FRRS1L: variants seen among roughly 807,000 people sequenced by gnomAD.
The protein encoded by FRRS1L is ferric chelate reductase 1 like.
In FRRS1L, 22 loss-of-function variants were observed where a neutral mutation model predicts 28.6. That is an observed-to-expected ratio of 0.77 (90% CI 0.55 to 1.10). The LOEUF is 1.10. Among genes scored for constraint, FRRS1L ranks in the 50% least tolerant of loss-of-function variants. The pLI is 0.00. For synonymous variants in FRRS1L, 158 were observed against 151.4 expected (o/e 1.04, Z -0.32); for missense variants, 380 against 386.9 (o/e 0.98, Z 0.15).
Position 109,147,081 on chromosome 9 carries a change from T to A in FRRS1L, c.432A>T (p.Val144=), listed in dbSNP as rs368393399. The part of the protein sequence containing the change: ...FELSADTDGW[V]AVGFSSDKKM... ...TCTTGTCTGAAGAGAATCCAACTGC[T>A]ACCCAACCATCTGTGTCTGCACTCA... The change falls in exon 3 of 5, where the codon GTA becomes GTT. Residue 144 remains valine (V), a synonymous_variant. Transcript: ENST00000561981. The A allele has an allele frequency of 2.5e-6, 4 of 1,613,882 alleles. No individual in the cohort carries two copies. In the African/African-American group the frequency reaches 5.3e-5, roughly 22 times the overall value.
chr9:109,147,126 C>T lies in FRRS1L; in HGVS notation c.387G>A (p.Gly129=), dbSNP rs773843617. ...CACTCAGCTCAAATTCTACATCAGC[C>T]CCTATCATCCGGTAGCTGAGGAAAT... ...CDYFLSYRMI[G]ADVEFELSAD... The change falls in exon 3 of 5, where the codon GGG becomes GGA. Residue 129 remains glycine (G), a synonymous_variant. Transcript: ENST00000561981. The T allele has an allele frequency of 2.4e-5, 38 of 1,612,798 alleles. No homozygotes were observed. Among genetic ancestry groups the T allele is most frequent in the Non-Finnish European group, 3.1e-5 (36 of 1,178,926 alleles).
chr9:109,167,187 G>A lies in FRRS1L; in HGVS notation c.-49C>T, dbSNP rs1831567207. ...AGGCCGCTCGGGCCGCAGCGGGGGC[G>A]CCGCGGGCGCGGGCCGGGACTGAGC... On this transcript the variant is annotated 5_prime_UTR_variant, in exon 1 of 5. Coordinates refer to ENST00000561981, the MANE Select transcript of FRRS1L (RefSeq NM_014334.4). 4 of 1,162,932 alleles carry A rather than the reference G, an allele frequency of 3.4e-6. No homozygotes were observed. 72.0% of individuals were successfully genotyped at this position (1,162,932 alleles called of 1,614,324 possible). A position where few individuals can be genotyped will look rare whatever the true frequency, so the allele number is the denominator to read the frequency against.
At chr9:109,157,743 A>T (rs1327538879) in intron 1 of FRRS1L, among the ~76,000 whole-genome samples, 1 of 152,208 alleles carries the variant, frequency 6.6e-6, no homozygotes, top group East Asian at 1.9e-4. Flanking sequence ...TCCATCAGTT[A>T]CTGCTTTTAT....
At position 109,132,457 on chromosome 9, in the gene FRRS1L, T is replaced by C. The variant is rs1158962478; in HGVS notation, c.*4998A>G. 2.0e-5 allele frequency: 3 copies of C among 152,218 alleles called. No individual in the cohort carries two copies. Among genetic ancestry groups the C allele is most frequent in the Non-Finnish European group, 4.4e-5 (3 of 68,036 alleles). The allele number at this position is 152,218 out of a possible 1,614,324, so 9.4% of individuals were successfully genotyped here. A position where few individuals can be genotyped will look rare whatever the true frequency, so the allele number is the denominator to read the frequency against. ...TTTTGCATCAATTCCAGAAAATATATTAGAATGCAAGAGCATGAGATGCCC... is the reference window on the plus strand; with the variant it reads ...TTTTGCATCAATTCCAGAAAATATACTAGAATGCAAGAGCATGAGATGCCC... On this transcript the variant is annotated 3_prime_UTR_variant, in exon 5 of 5. Coordinates refer to ENST00000561981, the MANE Select transcript of FRRS1L (RefSeq NM_014334.4).
intron 1 of FRRS1L, among the ~76,000 whole-genome samples, chr9:109,156,467 C>A (rs1831406800): frequency 6.6e-6 from 1 of 152,124 alleles, no homozygotes; most frequent in East Asian, 1.9e-4. Flanking sequence ...CGCCTCACTG[C>A]AACCTCCACC....
At position 109,147,151 on chromosome 9, in the gene FRRS1L, T is replaced by C. The variant is rs766940179; in HGVS notation, c.362A>G (p.Tyr121Cys). The C allele has an allele frequency of 9.3e-6, 15 of 1,613,336 alleles. No homozygotes were observed. Among genetic ancestry groups the C allele is most frequent in the Non-Finnish European group, 1.3e-5 (15 of 1,179,406 alleles). ...KPGCNAETCD[Y>C]FLSYRMIGAD... ...CCCTATCATCCGGTAGCTGAGGAAA[T>C]AGTCACAGGTCTCTGCATTACAGCC... The change falls in exon 3 of 5, where the codon TAT (tyrosine) becomes TGT (cysteine). Residue 121 changes from tyrosine (Y) to cysteine (C), a missense_variant. Tyr to Cys is a radical substitution (Grantham distance 194). Transcript: ENST00000561981.
At chr9:109,148,130 G>A (rs1330552921) in intron 2 of FRRS1L, 2 of 151,910 alleles carry the variant, frequency 1.3e-5, no homozygotes, top group Non-Finnish European at 2.9e-5. Flanking sequence ...CACCACACCT[G>A]GCTAATTTTT....
At chr9:109,159,860 C>A (rs908904078) in intron 1 of FRRS1L, among the ~76,000 whole-genome samples, 1 of 152,132 alleles carries the variant, frequency 6.6e-6, no homozygotes, top group Admixed American at 6.5e-5. Context: ...TCCAGCCTGC[C>A]GACCCAACCT....
chr9:109,148,122 C>A (rs1205152511), intron 2 of FRRS1L: 1 of 152,098 alleles, frequency 6.6e-6, no homozygotes, highest in Non-Finnish European at 1.5e-5. Flanking sequence ...GCATGGGTCA[C>A]CACACCTGGC....
In FRRS1L at chr9:109,130,767, C is replaced by G. The variant is rs1219816863; in HGVS notation, c.*6688G>C. On this transcript the variant is annotated 3_prime_UTR_variant, in exon 5 of 5. Transcript: ENST00000561981. ...TGTGGAAATAAGGCATCCGGAGAAG[C>G]TGCATTCACTCTTCCCCATGGCCAG... 1.3e-5 allele frequency: 2 copies of G among 152,232 alleles called. No individual in the cohort carries two copies. The highest frequency in any genetic ancestry group is 6.5e-5 in the Admixed American group (1 of 15,284). 9.4% of individuals were successfully genotyped at this position (152,232 alleles called of 1,614,324 possible). A position where few individuals can be genotyped will look rare whatever the true frequency, so the allele number is the denominator to read the frequency against.
chr9:109,157,881 GGT>G (rs1831431330), intron 1 of FRRS1L, among the ~76,000 whole-genome samples: 1 of 151,942 alleles, frequency 6.6e-6, no homozygotes. Context: ...GTTTTCTTAT[GGT>G]TCATCTTTGC....
At chr9:109,140,715 T>TC in intron 4 of FRRS1L, 1 of 151,560 alleles carries the variant, frequency 6.6e-6, no homozygotes, top group East Asian at 1.9e-4. Flanking sequence ...TCTTTCTTCT[T>TC]CTTTTTTTTT....
intron 1 of FRRS1L, 42 bp downstream of exon 1, chr9:109,166,859 C>T (rs1831558891): frequency 7.4e-6 from 6 of 813,584 alleles, no homozygotes; most frequent in Non-Finnish European, 9.8e-6. Context: ...CCCCCACCCC[C>T]GGTCTCCCCT....
chr9:109,161,133 C>T (rs1831475674), intron 1 of FRRS1L, among the ~76,000 whole-genome samples: 1 of 152,092 alleles, frequency 6.6e-6, no homozygotes, highest in South Asian at 2.1e-4. Flanking sequence ...CACTACTCCC[C>T]AGCATTCCAT....
In FRRS1L at chr9:109,162,602, C is replaced by T. The variant is rs141110521; in HGVS notation, c.238+4299G>A. On this transcript the variant is annotated intron_variant, in intron 1 of 4. Transcript: ENST00000561981. The stretch of plus-strand genomic sequence containing the variant: ...TTCATATGGACAAGGTACCCTAAAG[C>T]GGGGCCTGCTGCGTAGTAAGCACAT... Among the ~76,000 whole-genome samples, 1,152 of 152,290 alleles carry T rather than the reference C, an allele frequency of 7.6e-3. 11 individuals carry two copies. Among genetic ancestry groups the T allele is most frequent in the African/African-American group, 0.027 (1,110 of 41,564 alleles).
chr9:109,167,202 C>G lies in FRRS1L; in HGVS notation c.-64G>C, dbSNP rs1588106755. On this transcript the variant is annotated 5_prime_UTR_variant, in exon 1 of 5. Transcript: ENST00000561981. ...CAGCGGGGGCGCCGCGGGCGCGGGC[C>G]GGGACTGAGCCTCCGCCGAGGCCAC... 1 of 1,256,744 alleles carries G rather than the reference C, an allele frequency of 8.0e-7. No individual in the cohort carries two copies. The highest frequency in any genetic ancestry group is 1.0e-6 in the Non-Finnish European group (1 of 998,572). 77.8% of individuals were successfully genotyped at this position (1,256,744 alleles called of 1,614,324 possible).
chr9:109,161,337 T>A (rs1347841261), intron 1 of FRRS1L, among the ~76,000 whole-genome samples: 1 of 152,208 alleles, frequency 6.6e-6, no homozygotes, highest in African/African-American at 2.4e-5. Context: ...AGAACCTGAA[T>A]GAGACTACAT....
rs376999001 is a variant in FRRS1L, at chr9:109,149,754, C to A, written c.239-34G>T. 114 of 1,352,084 alleles carry A rather than the reference C, an allele frequency of 8.4e-5. No individual in the cohort carries two copies. The African/African-American group carries it at 1.5e-3, about 18-fold the overall frequency. 83.8% of individuals were successfully genotyped at this position (1,352,084 alleles called of 1,614,324 possible). A position where few individuals can be genotyped will look rare whatever the true frequency, so the allele number is the denominator to read the frequency against. On this transcript the variant is annotated intron_variant, in intron 1 of 4. Coordinates refer to ENST00000561981, the MANE Select transcript of FRRS1L (RefSeq NM_014334.4). ...TGAGAATAAAGAAGGGTTAGAAAATCCAGTAACAACTGTTCCAATGAGAAT... is the reference window on the plus strand; with the variant it reads ...TGAGAATAAAGAAGGGTTAGAAAATACAGTAACAACTGTTCCAATGAGAAT...
chr9:109,150,052 T>C (rs965895542), intron 1 of FRRS1L: 2 of 192,286 alleles, frequency 1.0e-5, no homozygotes, highest in Non-Finnish European at 2.1e-5. Context: ...TTTAATACAA[T>C]ATACATGTTC....
Sources: gnomAD v4.1 joint callset for allele counts (sites outside exome capture counted in the v4.1 genomes callset) on GRCh38, gnomAD v4.1.1 for gene constraint, MANE v1.5 for transcripts, NCBI Gene and HGNC (gene_info 2026-07-23, HGNC 2026-07-21) for gene names.